FAM135B: variants seen among roughly 807,000 people sequenced by gnomAD.
FAM135B encodes the protein protein FAM135B.
A neutral mutation model predicts 127.7 loss-of-function variants in FAM135B; 43 were observed. The ratio of observed to expected loss-of-function variants is 0.34; its 90% CI spans 0.26 to 0.43. FAM135B has a LOEUF of 0.43. Among genes scored for constraint, FAM135B ranks in the 20% least tolerant of loss-of-function variants. The pLI, the probability that FAM135B is intolerant of heterozygous loss-of-function variation, is 1.00. For synonymous variants in FAM135B, 670 were observed against 665.1 expected (o/e 1.01, Z -0.11); for missense variants, 1,558 against 1,725.6 (o/e 0.90, Z 1.72).
intron 2 of FAM135B, among the ~76,000 whole-genome samples, chr8:138,365,253 C>T (rs556318879): frequency 4.6e-5 from 7 of 152,088 alleles, no homozygotes; most frequent in Admixed American, 6.5e-5. Flanking sequence ...CATGGATAAA[C>T]GAGATGCTTC....
intron 19 of FAM135B, among the ~76,000 whole-genome samples, chr8:138,134,116 C>T (rs1294545581): frequency 6.6e-6 from 1 of 151,968 alleles, no homozygotes; most frequent in Non-Finnish European, 1.5e-5. Flanking sequence ...TGAAATAGTC[C>T]TTCCAAGGGA....
In FAM135B at chr8:138,132,852, C is replaced by A. The variant is rs1369767888; in HGVS notation, c.4016-54G>T. 6.6e-7 allele frequency: 1 copy of A among 1,523,652 alleles called. No individual in the cohort carries two copies. 94.4% of individuals were successfully genotyped at this position (1,523,652 alleles called of 1,614,324 possible). A position where few individuals can be genotyped will look rare whatever the true frequency, so the allele number is the denominator to read the frequency against. ...CTGGTGCAGAAATTAGCAGTGGAAT[C>A]TAGAGAACATCACTAGATGTGTGTC... On this transcript the variant is annotated intron_variant, in intron 19 of 19. Coordinates refer to ENST00000395297, the MANE Select transcript of FAM135B (RefSeq NM_015912.4). The surrounding 1 kb of genome is among the most constrained non-coding windows in gnomAD (Gnocchi z 4.5).
At chr8:138,198,531 G>C (rs1036351852) in intron 7 of FAM135B, among the ~76,000 whole-genome samples, 2 of 152,194 alleles carry the variant, frequency 1.3e-5, no homozygotes, top group Admixed American at 1.3e-4. Flanking sequence ...AGGAGGAAAA[G>C]AAAGTGTCAT....
intron 1 of FAM135B, among the ~76,000 whole-genome samples, chr8:138,376,342 A>G (rs1357345039): frequency 1.3e-5 from 2 of 152,032 alleles, no homozygotes; most frequent in Non-Finnish European, 2.9e-5. Flanking sequence ...TCCGCCTCCA[A>G]AGCCATCACC....
chr8:138,367,891 T>C lies in FAM135B; in HGVS notation c.77+16A>G. ...CACACACACACACACACACACAAATTGTAAAGCATACTTACCCTCTCTGAA... is the reference window on the plus strand; with the variant it reads ...CACACACACACACACACACACAAATCGTAAAGCATACTTACCCTCTCTGAA... On this transcript the variant is annotated intron_variant, in intron 2 of 19. Transcript: ENST00000395297. 1 of 1,552,342 alleles carries C rather than the reference T, an allele frequency of 6.4e-7. No homozygotes were observed.
At chr8:138,335,196 G>T (rs562998925) in intron 2 of FAM135B, among the ~76,000 whole-genome samples, 1 of 152,258 alleles carries the variant, frequency 6.6e-6, no homozygotes, top group South Asian at 2.1e-4. Context: ...CTGAAAAGGA[G>T]TCTGTTCTTG....
intron 5 of FAM135B, among the ~76,000 whole-genome samples, chr8:138,253,757 T>A (rs564359705): frequency 2.0e-5 from 3 of 152,174 alleles, no homozygotes; most frequent in Non-Finnish European, 4.4e-5. Context: ...CCGTCCCTCA[T>A]ATGAGAGGCT....
chr8:138,464,147 G>C (rs1273230914), intron 1 of FAM135B, among the ~76,000 whole-genome samples: 1 of 152,124 alleles, frequency 6.6e-6, no homozygotes, highest in Non-Finnish European at 1.5e-5. Flanking sequence ...AGCAGTAACG[G>C]GCATACCACC....
chr8:138,327,899 A>G (rs1827911969), intron 2 of FAM135B, among the ~76,000 whole-genome samples: 1 of 152,222 alleles, frequency 6.6e-6, no homozygotes, highest in Non-Finnish European at 1.5e-5. Context: ...AAAAGTCCCT[A>G]CAAGGTAGTA....
chr8:138,398,943 G>A (rs1832995448), intron 1 of FAM135B, among the ~76,000 whole-genome samples: 3 of 152,138 alleles, frequency 2.0e-5, no homozygotes, highest in Admixed American at 1.3e-4. Context: ...ATATAACCCT[G>A]TAATCAGGAC....
intron 9 of FAM135B, among the ~76,000 whole-genome samples, chr8:138,178,947 G>A (rs1341860692): frequency 1.3e-5 from 2 of 152,084 alleles, no homozygotes; most frequent in Admixed American, 1.3e-4. Flanking sequence ...AAAGCCCTTA[G>A]TCTAGCAGGC....
At chr8:138,320,705 C>T (rs1201926732) in intron 2 of FAM135B, among the ~76,000 whole-genome samples, 1 of 152,120 alleles carries the variant, frequency 6.6e-6, no homozygotes, top group Non-Finnish European at 1.5e-5. Flanking sequence ...AAGCCATGCA[C>T]CATTCATCTC....
intron 1 of FAM135B, among the ~76,000 whole-genome samples, chr8:138,473,920 A>T (rs540129141): frequency 2.0e-5 from 3 of 152,188 alleles, no homozygotes; most frequent in African/African-American, 7.2e-5. Context: ...TAAAACTATA[A>T]ACAGAAGCCA....
intron 1 of FAM135B, among the ~76,000 whole-genome samples, chr8:138,406,226 C>A (rs1314875428): frequency 1.3e-5 from 2 of 152,064 alleles, no homozygotes; most frequent in East Asian, 1.9e-4. Context: ...TTAATTAGAT[C>A]CCATTTGTCA....
intron 1 of FAM135B, among the ~76,000 whole-genome samples, chr8:138,395,967 TACAAAC>T (rs563302372): frequency 5.8e-4 from 88 of 152,368 alleles, no homozygotes; most frequent in Non-Finnish European, 7.2e-4. Flanking sequence ...GCTGCTATCT[TACAAAC>T]AGGAGTCTGG....
In FAM135B at chr8:138,282,623, C is replaced by T. The variant is rs953051879; in HGVS notation, c.158-16781G>A. Among the ~76,000 whole-genome samples, 12 of 152,226 alleles carry T rather than the reference C, an allele frequency of 7.9e-5. No homozygotes were observed. The East Asian group carries it at 1.4e-3, about 17-fold the overall frequency. ...TCAGGGAAATGCAAACTTAAAACAG[C>T]GAGATACTGTTACACACCTATTAGA... On this transcript the variant is annotated intron_variant, in intron 3 of 19. Transcript: ENST00000395297.
intron 9 of FAM135B, among the ~76,000 whole-genome samples, chr8:138,189,974 C>A (rs1038044470): frequency 5.3e-5 from 8 of 152,176 alleles, no homozygotes; most frequent in African/African-American, 1.9e-4. Context: ...ATAGCCCCAG[C>A]AGCACAACCT....
intron 1 of FAM135B, among the ~76,000 whole-genome samples, chr8:138,408,335 T>C (rs1833654810): frequency 6.6e-6 from 1 of 152,208 alleles, no homozygotes; most frequent in South Asian, 2.1e-4. Context: ...GATAACTTGC[T>C]GCAGCTTCTA....
chr8:138,171,404 C>A (rs1054694437), intron 11 of FAM135B, among the ~76,000 whole-genome samples: 5 of 152,142 alleles, frequency 3.3e-5, no homozygotes, highest in African/African-American at 9.7e-5. Flanking sequence ...TGTCCACTTA[C>A]CCTGCTCTGT....
Sources: allele counts gnomAD v4.1 joint callset (sites outside exome capture counted in the v4.1 genomes callset), GRCh38; gene constraint gnomAD v4.1.1; non-coding constraint Gnocchi (gnomAD v3.1); transcripts MANE v1.5; gene names NCBI Gene and HGNC (gene_info 2026-07-23, HGNC 2026-07-21).